CYP2A6: variants seen among roughly 807,000 people sequenced by gnomAD.
CYP2A6 encodes cytochrome P450 2A6.
CYP2A6 carries 27 observed loss-of-function variants against 42.3 expected under a neutral mutation model. That is an observed-to-expected ratio of 0.64 (90% confidence interval 0.47 to 0.88). The LOEUF is 0.88. CYP2A6 is among the 40% of genes least tolerant of loss of function. The probability of loss-of-function intolerance (pLI) is 0.00; values close to 1 mark genes in which losing one functional copy is unlikely to be tolerated. For missense variants in CYP2A6, 628 were observed against 646.0 expected, an observed-to-expected ratio of 0.97 and a Z score of 0.30; for synonymous variants, 238 against 246.3, an observed-to-expected ratio of 0.97 and a Z score of 0.31.
chr19:40,850,418 G>A lies in CYP2A6; in HGVS notation c.9C>T (p.Ala3=), dbSNP rs530706018. 3 of 1,609,078 alleles carry A rather than the reference G, an allele frequency of 1.9e-6. No individual in the cohort carries two copies. The Admixed American group carries it at 5.0e-5, about 27-fold the overall frequency. ML[A]SGMLLVALLV... is the part of the protein sequence containing the mutation. ...GCAAGGCCACCAGAAGCATCCCTGA[G>A]GCCAGCATGGTGGTAGTGGGATGAT... The change falls in exon 1 of 9, where the codon GCC becomes GCT. Residue 3 remains alanine (A), a synonymous_variant. Transcript: ENST00000301141.
In CYP2A6 at chr19:40,844,604, G is replaced by A. The variant is rs2002976; in HGVS notation, c.1303+27C>T. ...GAGGCCCCTGCTGGTGTGAGCCGTG[G>A]CCTGGCAGCAAACAGTGGTCTCTTA... On this transcript the variant is annotated intron_variant, in intron 8 of 8. Transcript: ENST00000301141. 93,158 of 1,610,752 alleles carry A rather than the reference G, an allele frequency of 0.058. 3,981 individuals are homozygous for A. Among genetic ancestry groups the A allele is most frequent in the Non-Finnish European group, 0.064 (75,563 of 1,179,340 alleles).
At position 40,846,006 on chromosome 19, in the gene CYP2A6, G is replaced by T. The variant is rs746842006; in HGVS notation, c.923C>A (p.Thr308Asn). ...CAGCAAGAAGCCATAGCGCAGGGTG[G>T]TGCTGACGGTCTCGGTGCCCCCAAT... The part of the protein sequence containing the change: ...LFIGGTETVS[T>N]TLRYGFLLLM... The change falls in exon 6 of 9, where the codon ACC (threonine) becomes AAC (asparagine). Residue 308 changes from threonine (T) to asparagine (N), a missense_variant. Coordinates refer to ENST00000301141, the MANE Select transcript of CYP2A6 (RefSeq NM_000762.6). 3.1e-6 allele frequency: 5 copies of T among 1,611,416 alleles called. No individual in the cohort carries two copies. The highest frequency in any genetic ancestry group is 1.3e-5 in the African/African-American group (1 of 74,484).
chr19:40,846,680 C>T (rs1967106947), intron 5 of CYP2A6, among the ~76,000 whole-genome samples, 195 bp downstream of exon 5: 1 of 151,444 alleles, frequency 6.6e-6, no homozygotes. Flanking sequence ...GAACTCCTGA[C>T]CTCAGGTGAT....
rs1217762151 is a variant in CYP2A6 at position 40,844,979 on chromosome 19, T to G, written c.1162-207A>C. ...TTGGGAGACATGGGGTCCATGTCCT[T>G]CTAGGCAGGAGTTTGGGGGACCTGA... On this transcript the variant is annotated intron_variant, in intron 7 of 8. Transcript: ENST00000301141. 1.5e-4 allele frequency: 103 copies of G among 705,776 alleles called. 14 individuals are homozygous for G. The East Asian group carries it at 3.1e-3, about 21-fold the overall frequency. The allele number at this position is 705,776 out of a possible 1,614,324, so 43.7% of individuals were successfully genotyped here. A position where few individuals can be genotyped will look rare whatever the true frequency, so the allele number is the denominator to read the frequency against.
chr19:40,849,103 A>AT lies in CYP2A6; in HGVS notation c.344-341dup, dbSNP rs1320472280. On this transcript the variant is annotated intron_variant, in intron 2 of 8. Transcript: ENST00000301141. ...GAGAGAGAGAGACCAGGTTTAAAGA[A>AT]TAAGACAATCAGAAAAGAAACAGAA... Among the ~76,000 whole-genome samples the AT allele has an allele frequency of 5.0e-5, 7 of 139,910 alleles. No individual in the cohort carries two copies. In the Admixed American group the frequency reaches 5.2e-4, roughly 10 times the overall value. The allele number at this position is 139,910 out of a possible 152,430, so 91.8% of individuals were successfully genotyped here. A position where few individuals can be genotyped will look rare whatever the true frequency, so the allele number is the denominator to read the frequency against.
chr19:40,849,044 A>AG (rs60164957), intron 2 of CYP2A6, among the ~76,000 whole-genome samples: 1 of 13,808 alleles, frequency 7.2e-5, no homozygotes, highest in Non-Finnish European at 1.4e-4. Context: ...GAAGAGAGAG[A>AG]GGAGAGAGAG....
chr19:40,848,368 C>G lies in CYP2A6; in HGVS notation c.505G>C (p.Asp169His), dbSNP rs376550663. ...ALRGTGGANI[D>H]PTFFLSRTVS... ...GTGCGGCTCAGGAAGAAGGTGGGAT[C>G]GATATTGGCGCCTGCGGGTATGGCG... Residue 169 changes from aspartate to histidine, a missense_variant, in exon 4 of 9, where the codon GAT becomes CAT. This residue lies in a region of CYP2A6 where 606 missense variants were observed against 568.1 expected (regional missense o/e 1.07). Coordinates refer to ENST00000301141, the MANE Select transcript of CYP2A6 (RefSeq NM_000762.6). 1 of 1,611,768 alleles carries G rather than the reference C, an allele frequency of 6.2e-7. No homozygotes were observed. The highest frequency in any genetic ancestry group is 1.7e-5 in the Admixed American group (1 of 59,970).
Position 40,848,745 on chromosome 19 carries a change from C to A in CYP2A6, c.362G>T (p.Gly121Val). ...GCGCCGGAGCTGCTTGGCGCGCTCC[C>A]CGTTGCTGAATACCACGCCTGGGGA... ...FKGYGVVFSN[G>V]ERAKQLRRFS... Residue 121 changes from glycine (G) to valine (V), a missense_variant, in exon 3 of 9, where the codon GGG becomes GTG. This residue lies in a region of CYP2A6 where 606 missense variants were observed against 568.1 expected (regional missense o/e 1.07). Coordinates refer to ENST00000301141, the MANE Select transcript of CYP2A6 (RefSeq NM_000762.6). The A allele has an allele frequency of 6.2e-7, 1 of 1,611,542 alleles. No homozygotes were observed. Among genetic ancestry groups the A allele is most frequent in the Non-Finnish European group, 8.5e-7 (1 of 1,179,836 alleles).
rs1967199119 is a variant in CYP2A6, at chr19:40,850,343, C to T, written c.84G>A (p.Lys28=). 4 of 1,610,056 alleles carry T rather than the reference C, an allele frequency of 2.5e-6. No individual in the cohort carries two copies. Among genetic ancestry groups the T allele is most frequent in the African/African-American group, 2.7e-5 (2 of 74,552 alleles). The part of the protein sequence containing the change: ...MVLMSVWQQR[K]SKGKLPPGPT... ...GTCCCGGAGGCAGCTTCCCCTTGCT[C>T]TTCCTCTGCTGCCAAACAGACATCA... The change falls in exon 1 of 9, where the codon AAG becomes AAA. Residue 28 remains lysine (K), a synonymous_variant. Coordinates refer to ENST00000301141, the MANE Select transcript of CYP2A6 (RefSeq NM_000762.6).
chr19:40,849,045 GGAGAGAGAGA>G lies in CYP2A6; in HGVS notation c.344-292_344-283del, dbSNP rs1164660108. ...AGGAGAGAGAGAGAGAAGAGAGAGAGGAGAGAGAGAGAGAGAGAGAGAGAGAGAGAGAGAG... is the reference window on the plus strand; with the variant it reads ...AGGAGAGAGAGAGAGAAGAGAGAGAGGAGAGAGAGAGAGAGAGAGAGAGAG... On this transcript the variant is annotated intron_variant, in intron 2 of 8. Transcript: ENST00000301141. Among the ~76,000 whole-genome samples, 152 of 24,232 alleles carry G rather than the reference GGAGAGAGAGA, an allele frequency of 6.3e-3. 1 individual carries two copies. The highest frequency in any genetic ancestry group is 0.062 in the Middle Eastern group (1 of 16). The allele number at this position is 24,232 out of a possible 152,430, so 15.9% of individuals were successfully genotyped here.
At position 40,843,686 on chromosome 19, in the gene CYP2A6, C is replaced by T; in HGVS notation, c.*110G>A. The T allele has an allele frequency of 7.9e-7, 1 of 1,261,440 alleles. No homozygotes were observed. Among genetic ancestry groups the T allele is most frequent in the Non-Finnish European group, 1.1e-6 (1 of 946,504 alleles). The allele number at this position is 1,261,440 out of a possible 1,614,324, so 78.1% of individuals were successfully genotyped here. A position where few individuals can be genotyped will look rare whatever the true frequency, so the allele number is the denominator to read the frequency against. On this transcript the variant is annotated 3_prime_UTR_variant, in exon 9 of 9. Transcript: ENST00000301141. ...TTCCCTCTAGCCACCACGCCCCTTC[C>T]TTTCCGCCATCCTGCCCCCAGTCTT...
At position 40,849,146 on chromosome 19, in the gene CYP2A6, G is replaced by A. The variant is rs1172078666; in HGVS notation, c.344-383C>T. Among the ~76,000 whole-genome samples, 3 of 131,786 alleles carry A rather than the reference G, an allele frequency of 2.3e-5. No individual in the cohort carries two copies. The East Asian group carries it at 7.3e-4, about 32-fold the overall frequency. The allele number at this position is 131,786 out of a possible 152,430, so 86.5% of individuals were successfully genotyped here. A position where few individuals can be genotyped will look rare whatever the true frequency, so the allele number is the denominator to read the frequency against. ...AAACAGAAAGGCCAGACAGAGAGAT[G>A]CACATAGAAACAGAGGGATAAGGGG... On this transcript the variant is annotated intron_variant, in intron 2 of 8. Transcript: ENST00000301141.
chr19:40,846,929 C>T lies in CYP2A6; in HGVS notation c.777G>A (p.Leu259=). ...AKKVEHNQRT[L]DPNSPRDFID... ...TGAAGTCCCGTGGGGAATTGGGATC[C>T]AGCGTGCGCTGGTTGTGCTCCACCT... The change falls in exon 5 of 9, where the codon CTG becomes CTA. Residue 259 remains leucine, a synonymous_variant. Coordinates refer to ENST00000301141, the MANE Select transcript of CYP2A6 (RefSeq NM_000762.6). 6.2e-7 allele frequency: 1 copy of T among 1,612,118 alleles called. No individual in the cohort carries two copies.
chr19:40,848,370 A>T lies in CYP2A6; in HGVS notation c.503T>A (p.Ile168Asn), dbSNP rs745716206. ...DALRGTGGAN[I>N]DPTFFLSRTV... ...GCGGCTCAGGAAGAAGGTGGGATCG[A>T]TATTGGCGCCTGCGGGTATGGCGGG... The change falls in exon 4 of 9, where the codon ATC (isoleucine) becomes AAC (asparagine). Residue 168 changes from isoleucine to asparagine, a missense_variant. Physicochemically the swap from Ile to Asn is moderately radical, Grantham distance 149. This residue lies in a region of CYP2A6 where 606 missense variants were observed against 568.1 expected (regional missense o/e 1.07). Transcript: ENST00000301141. The T allele has an allele frequency of 6.2e-7, 1 of 1,611,832 alleles. No individual in the cohort carries two copies. The highest frequency in any genetic ancestry group is 2.3e-5 in the East Asian group (1 of 43,392).
intron 8 of CYP2A6, among the ~76,000 whole-genome samples, chr19:40,844,363 C>T (rs1261475679): frequency 6.6e-6 from 1 of 151,210 alleles, no homozygotes; most frequent in African/African-American, 2.4e-5. Flanking sequence ...ACTGCTGTGC[C>T]GTCATCTCCT....
At position 40,849,934 on chromosome 19, in the gene CYP2A6, C is replaced by T. The variant is rs752300065; in HGVS notation, c.227G>A (p.Arg76Gln). The stretch of plus-strand genomic sequence containing the variant: ...ATGTCCACACAGCACCACGACCCGC[C>T]GGGGCCCCAAGTGAATGGTGAACAC... ...GPVFTIHLGP[R>Q]RVVVLCGHDA... is the part of the protein sequence containing the mutation. The change falls in exon 2 of 9, where the codon CGG becomes CAG. Residue 76 changes from arginine to glutamine, a missense_variant. Transcript: ENST00000301141. 1.4e-5 allele frequency: 22 copies of T among 1,611,350 alleles called. No homozygotes were observed. Among genetic ancestry groups the T allele is most frequent in the South Asian group, 6.6e-5 (6 of 90,878 alleles).
In CYP2A6 at chr19:40,848,387, T is replaced by C; in HGVS notation, c.494-8A>G. The C allele has an allele frequency of 2.5e-6, 4 of 1,611,494 alleles. No homozygotes were observed. The highest frequency in any genetic ancestry group is 3.4e-6 in the Non-Finnish European group (4 of 1,179,852). On this transcript the variant is annotated splice_region_variant and splice_polypyrimidine_tract_variant and intron_variant, in intron 3 of 8. Transcript: ENST00000301141. ...TGGGATCGATATTGGCGCCTGCGGG[T>C]ATGGCGGGAGAAGGGGGTTGGGGAG...
chr19:40,849,554 T>C (rs932588411), intron 2 of CYP2A6, among the ~76,000 whole-genome samples: 1 of 149,194 alleles, frequency 6.7e-6, no homozygotes, highest in Non-Finnish European at 1.5e-5. Context: ...TCCTTAGAGA[T>C]GGAGAGAGAG....
chr19:40,850,161 T>A, intron 1 of CYP2A6, 86 bp downstream of exon 1: 1 of 1,557,434 alleles, frequency 6.4e-7, no homozygotes, highest in African/African-American at 1.4e-5. Context: ...AAGACTCTGG[T>A]CCACACTGGT....
Sources: gnomAD v4.1 joint callset for allele counts (sites outside exome capture counted in the v4.1 genomes callset) on GRCh38, gnomAD v4.1.1 for gene constraint, gnomAD v4.1.1 regional missense constraint, MANE v1.5 for transcripts, NCBI Gene and HGNC (gene_info 2026-07-23, HGNC 2026-07-21) for gene names.